DLGAP2: variants seen among roughly 807,000 people sequenced by gnomAD.
DLGAP2 encodes the protein DLG associated protein 2.
In DLGAP2, 26 loss-of-function variants were observed where a neutral mutation model predicts 100.3. That is an observed-to-expected ratio of 0.26 (90% CI 0.19 to 0.36). DLGAP2 has a LOEUF of 0.36. DLGAP2 is among the 10% of genes least tolerant of loss of function. The pLI is 1.00. For missense variants in DLGAP2, 1,858 were observed against 1,453.2 expected (o/e 1.28, Z -4.53); for synonymous variants, 886 against 630.1 (o/e 1.41, Z -6.08).
chr8:1,261,748 G>A (rs1563048904), intron 3 of DLGAP2, among the ~76,000 whole-genome samples: 1 of 152,248 alleles, frequency 6.6e-6, no homozygotes, highest in Non-Finnish European at 1.5e-5. Flanking sequence ...ACTGTCATAT[G>A]AATATTCATA....
chr8:1,577,719 CGGGGCCAG>C (rs912712272), intron 6 of DLGAP2, among the ~76,000 whole-genome samples: 6 of 152,114 alleles, frequency 3.9e-5, no homozygotes, highest in African/African-American at 1.4e-4. Context: ...AAGAGCAGCC[CGGGGCCAG>C]GGGAGTGAGA....
At chr8:1,390,753 G>C (rs1035139790) in intron 3 of DLGAP2, among the ~76,000 whole-genome samples, 1 of 152,180 alleles carries the variant, frequency 6.6e-6, no homozygotes, top group South Asian at 2.1e-4. Flanking sequence ...GAATACTGCA[G>C]GTGGATTTCA....
chr8:1,008,693 C>G (rs767750041), intron 2 of DLGAP2, among the ~76,000 whole-genome samples: 4 of 152,234 alleles, frequency 2.6e-5, no homozygotes, highest in Admixed American at 2.0e-4. Context: ...TGCAGGAGGA[C>G]TGGTACTCAC....
chr8:1,155,929 G>A (rs1796775492), intron 2 of DLGAP2, among the ~76,000 whole-genome samples: 1 of 152,186 alleles, frequency 6.6e-6, no homozygotes, highest in South Asian at 2.1e-4. Context: ...AGGGAGCTTC[G>A]GGGCTCGGGG....
In DLGAP2 at chr8:1,586,278, G is replaced by A. The variant is rs141191097; in HGVS notation, c.1442+20384G>A. ...TTTCACATCAAGATGTTACAGTTGCGGGACCGAAGCCCCGTGTCCTTGTTG... is the reference window on the plus strand; with the variant it reads ...TTTCACATCAAGATGTTACAGTTGCAGGACCGAAGCCCCGTGTCCTTGTTG... On this transcript the variant is annotated intron_variant, in intron 6 of 14. Transcript: ENST00000637795. Among the ~76,000 whole-genome samples the A allele has an allele frequency of 9.8e-4, 150 of 152,302 alleles. 4 individuals are homozygous for A. Among genetic ancestry groups the A allele is most frequent in the African/African-American group, 3.3e-3 (136 of 41,562 alleles).
intron 3 of DLGAP2, among the ~76,000 whole-genome samples, chr8:1,482,995 C>CACCT (rs781084769): frequency 2.0e-5 from 3 of 152,244 alleles, no homozygotes; most frequent in Non-Finnish European, 4.4e-5. Flanking sequence ...GGCCCTGGCG[C>CACCT]ACCTGTTCTT....
chr8:1,058,141 G>C (rs1802939010), intron 2 of DLGAP2, among the ~76,000 whole-genome samples: 1 of 152,128 alleles, frequency 6.6e-6, no homozygotes, highest in East Asian at 1.9e-4. Context: ...AGGGGGCTTG[G>C]CTGGATTGAC....
intron 5 of DLGAP2, among the ~76,000 whole-genome samples, chr8:1,559,736 C>G (rs563826621): frequency 1.4e-4 from 21 of 152,380 alleles, no homozygotes; most frequent in African/African-American, 5.0e-4. Flanking sequence ...CCATCTGCCA[C>G]CAGCCAGCCT....
intron 2 of DLGAP2, among the ~76,000 whole-genome samples, chr8:1,219,018 T>A (rs1798266822): frequency 1.3e-5 from 2 of 152,178 alleles, no homozygotes; most frequent in African/African-American, 4.8e-5. Flanking sequence ...TTAGGAGCCT[T>A]TGGGCAGAAA....
At chr8:920,012 A>G (rs1260961765) in intron 2 of DLGAP2, among the ~76,000 whole-genome samples, 1 of 152,196 alleles carries the variant, frequency 6.6e-6, no homozygotes, top group Admixed American at 6.5e-5. Context: ...GCTCATGCCC[A>G]GCAGGATGGC....
intron 4 of DLGAP2, among the ~76,000 whole-genome samples, chr8:1,506,562 A>C (rs1799925505): frequency 6.6e-6 from 1 of 152,202 alleles, no homozygotes; most frequent in African/African-American, 2.4e-5. Flanking sequence ...TTTAGTGCAT[A>C]CAGCGTAAAA....
At chr8:1,100,740 C>G (rs1221168631) in intron 2 of DLGAP2, among the ~76,000 whole-genome samples, 1 of 152,216 alleles carries the variant, frequency 6.6e-6, no homozygotes, top group Non-Finnish European at 1.5e-5. Flanking sequence ...TCTTTCCACG[C>G]ATGATCTGCC....
At chr8:1,660,859 C>G (rs969529944) in intron 8 of DLGAP2, among the ~76,000 whole-genome samples, 1 of 152,150 alleles carries the variant, frequency 6.6e-6, no homozygotes. Context: ...TTTGAGAGAA[C>G]CTGAAGTTCT....
At chr8:741,785 T>C (rs886796570) in intron 1 of DLGAP2, among the ~76,000 whole-genome samples, 1 of 152,210 alleles carries the variant, frequency 6.6e-6, no homozygotes, top group East Asian at 1.9e-4. Context: ...AGGTGGCTCC[T>C]GACTGGCCGG....
At chr8:772,861 T>C (rs1393002782) in intron 1 of DLGAP2, among the ~76,000 whole-genome samples, 1 of 152,160 alleles carries the variant, frequency 6.6e-6, no homozygotes, top group Non-Finnish European at 1.5e-5. Context: ...GAGGGTTTTG[T>C]GTGTATGTGT....
intron 1 of DLGAP2, among the ~76,000 whole-genome samples, chr8:878,146 T>G (rs1797719849): frequency 6.6e-6 from 1 of 152,214 alleles, no homozygotes; most frequent in South Asian, 2.1e-4. Flanking sequence ...CTCCCATTTT[T>G]TAACAATGGG....
At chr8:1,546,173 T>A (rs1801527612) in intron 4 of DLGAP2, among the ~76,000 whole-genome samples, 1 of 152,246 alleles carries the variant, frequency 6.6e-6, no homozygotes, top group African/African-American at 2.4e-5. Context: ...CCGCCGGCCA[T>A]TACAGTGTAG....
intron 3 of DLGAP2, among the ~76,000 whole-genome samples, chr8:1,435,348 G>A (rs960172360): frequency 2.6e-5 from 4 of 152,152 alleles, no homozygotes; most frequent in African/African-American, 9.7e-5. Context: ...ACTACATCAC[G>A]CACCGCACAC....
chr8:989,842 C>G (rs1167545905), intron 2 of DLGAP2, among the ~76,000 whole-genome samples: 1 of 152,124 alleles, frequency 6.6e-6, no homozygotes, highest in Non-Finnish European at 1.5e-5. Context: ...TGGAGGAAGT[C>G]TCTCATGACA....
Sources: gnomAD v4.1 joint callset for allele counts (sites outside exome capture counted in the v4.1 genomes callset) on GRCh38, gnomAD v4.1.1 for gene constraint, MANE v1.5 for transcripts, NCBI Gene and HGNC (gene_info 2026-07-23, HGNC 2026-07-21) for gene names.